The following FRYL variants were observed in gnomAD, a reference collection of about 807,000 sequenced individuals.
FRYL encodes protein furry homolog-like.
A neutral mutation model predicts 351.2 loss-of-function variants in FRYL; 150 were observed. That is an observed-to-expected ratio of 0.43 (90% confidence interval 0.37 to 0.49). The LOEUF is 0.49. FRYL is among the 20% of genes least tolerant of loss of function. The pLI, the probability that FRYL is intolerant of heterozygous loss-of-function variation, is 0.00. For synonymous variants in FRYL, 1,153 were observed against 1,257.1 expected, an observed-to-expected ratio of 0.92 and a Z score of 1.75; for missense variants, 3,036 against 3,619.3, an observed-to-expected ratio of 0.84 and a Z score of 4.13.
intron 1 of FRYL, among the ~76,000 whole-genome samples, chr4:48,765,053 C>T (rs1190605850): frequency 2.0e-5 from 3 of 152,156 alleles, no homozygotes; most frequent in African/African-American, 7.2e-5. Flanking sequence ...CCATGTTGGC[C>T]AAGCTGCTCT....
intron 2 of FRYL, 28 bp from the exon 3 acceptor site, chr4:48,684,823 G>A (rs530425518): frequency 1.3e-5 from 2 of 152,248 alleles, no homozygotes; most frequent in East Asian, 3.9e-4. Flanking sequence ...ACATTTACAC[G>A]TTAGGTGCGT....
chr4:48,775,381 A>G (rs1424614232), intron 1 of FRYL, among the ~76,000 whole-genome samples: 1 of 152,238 alleles, frequency 6.6e-6, no homozygotes, highest in Non-Finnish European at 1.5e-5. Flanking sequence ...CTCAATGCCT[A>G]GCATGGTACA....
At chr4:48,563,826 C>T in intron 31 of FRYL, 122 bp downstream of exon 31, 2 of 1,036,574 alleles carry the variant, frequency 1.9e-6, no homozygotes, top group Non-Finnish European at 2.8e-6. Flanking sequence ...GGTCCTGGAA[C>T]CAATCCCCCA....
chr4:48,592,082 T>TAATATATATATATATATATA (rs888017807), intron 16 of FRYL, among the ~76,000 whole-genome samples: 1 of 116,176 alleles, frequency 8.6e-6, no homozygotes, highest in African/African-American at 4.5e-5. Context: ...AATAAAGCTC[T>TAATATATATATATATATATA]TATATATATA....
intron 7 of FRYL, chr4:48,618,236 C>G (rs1296382012): frequency 6.6e-6 from 1 of 152,190 alleles, no homozygotes; most frequent in African/African-American, 2.4e-5. Flanking sequence ...TTAATTAACT[C>G]TTCTGTTTTA....
At chr4:48,649,177 T>A (rs1757147348) in intron 3 of FRYL, among the ~76,000 whole-genome samples, 4 of 152,328 alleles carry the variant, frequency 2.6e-5, no homozygotes, top group African/African-American at 9.6e-5. Flanking sequence ...TAACACAGAT[T>A]TTAACTGAAA....
intron 1 of FRYL, among the ~76,000 whole-genome samples, chr4:48,751,026 G>A (rs937848724): frequency 3.9e-5 from 6 of 152,126 alleles, no homozygotes; most frequent in African/African-American, 7.2e-5. Flanking sequence ...TGAGGGGCAC[G>A]TGAAACATAC....
At chr4:48,600,187 T>C (rs1400914471) in intron 13 of FRYL, among the ~76,000 whole-genome samples, 1 of 152,098 alleles carries the variant, frequency 6.6e-6, no homozygotes, top group East Asian at 1.9e-4. Flanking sequence ...CTCAAAATAG[T>C]TTAGGTAAGG....
chr4:48,667,433 C>T (rs548914034), intron 3 of FRYL, among the ~76,000 whole-genome samples: 7 of 151,286 alleles, frequency 4.6e-5, no homozygotes, highest in Non-Finnish European at 7.4e-5. Flanking sequence ...CCCACCCCCT[C>T]GCTTTTTTTT....
chr4:48,596,287 A>G (rs1204149811), intron 13 of FRYL, among the ~76,000 whole-genome samples: 1 of 152,144 alleles, frequency 6.6e-6, no homozygotes, highest in African/African-American at 2.4e-5. Flanking sequence ...AAATTATACA[A>G]ACAAACTTAC....
chr4:48,575,360 T>G, intron 24 of FRYL, 119 bp from the exon 25 acceptor site: 2 of 1,053,798 alleles, frequency 1.9e-6, no homozygotes, highest in Middle Eastern at 2.9e-4. Flanking sequence ...TTACTATGAA[T>G]GATACCTCAA....
chr4:48,686,970 T>G (rs573052980), intron 2 of FRYL, among the ~76,000 whole-genome samples: 37 of 152,354 alleles, frequency 2.4e-4, no homozygotes, highest in African/African-American at 8.4e-4. Flanking sequence ...ATACATAGTT[T>G]ATACTTCACT....
At chr4:48,740,493 C>T (rs1771932178) in intron 1 of FRYL, among the ~76,000 whole-genome samples, 1 of 151,900 alleles carries the variant, frequency 6.6e-6, no homozygotes, top group African/African-American at 2.4e-5. Flanking sequence ...CAGGGTTTCA[C>T]CATGTTAGCC....
chr4:48,636,456 T>A (rs545345822), intron 3 of FRYL, among the ~76,000 whole-genome samples: 1 of 152,156 alleles, frequency 6.6e-6, no homozygotes, highest in South Asian at 2.1e-4. Flanking sequence ...GTACTTCAAT[T>A]CTAAATTTTA....
At chr4:48,545,370 T>TA (rs1218601858) in intron 42 of FRYL, among the ~76,000 whole-genome samples, 1 of 152,146 alleles carries the variant, frequency 6.6e-6, no homozygotes, top group Admixed American at 6.6e-5. Flanking sequence ...TTAAGCTCTT[T>TA]ATTAACACAG....
At chr4:48,757,462 C>A (rs1368936178) in intron 1 of FRYL, among the ~76,000 whole-genome samples, 1 of 152,168 alleles carries the variant, frequency 6.6e-6, no homozygotes, top group East Asian at 1.9e-4. Context: ...AAACAGAGAA[C>A]CAAATCATGA....
At chr4:48,516,661 A>G (rs538992300) in intron 55 of FRYL, among the ~76,000 whole-genome samples, 1 of 152,362 alleles carries the variant, frequency 6.6e-6, no homozygotes, top group African/African-American at 2.4e-5. Context: ...AAACTCATCT[A>G]TAAAATGAAG....
At chr4:48,558,519 A>G (rs867671694) in intron 33 of FRYL, among the ~76,000 whole-genome samples, 21 of 152,250 alleles carry the variant, frequency 1.4e-4, no homozygotes, top group Non-Finnish European at 7.3e-5. Context: ...CTATTTCACA[A>G]CAATGTGAAT....
chr4:48,510,338 G>C (rs1722210941), intron 58 of FRYL, among the ~76,000 whole-genome samples, 181 bp from the exon 59 acceptor site: 1 of 152,180 alleles, frequency 6.6e-6, no homozygotes, highest in Non-Finnish European at 1.5e-5. Context: ...AGTGCAGTGG[G>C]ACTTGAGGAG....
Sources: allele counts gnomAD v4.1 joint callset (sites outside exome capture counted in the v4.1 genomes callset), GRCh38; gene constraint gnomAD v4.1.1; transcripts MANE v1.5; gene names NCBI Gene and HGNC (gene_info 2026-07-23, HGNC 2026-07-21).